Variants in VCAN observed in about 807,000 individuals in gnomAD.
VCAN encodes the protein versican core protein.
A neutral mutation model predicts 245.5 loss-of-function variants in VCAN; 44 were observed. The ratio of observed to expected loss-of-function variants is 0.18; its 90% CI spans 0.14 to 0.23. The LOEUF (loss-of-function observed/expected upper bound fraction) is 0.23. Among genes scored for constraint, VCAN ranks in the 10% least tolerant of loss-of-function variants. The pLI, the probability that VCAN is intolerant of heterozygous loss-of-function variation, is 1.00. For missense variants in VCAN, 3,793 were observed against 4,057.9 expected, an observed-to-expected ratio of 0.93 and a Z score of 1.77; for synonymous variants, 1,413 against 1,437.0, an observed-to-expected ratio of 0.98 and a Z score of 0.38.
intron 3 of VCAN, among the ~76,000 whole-genome samples, chr5:83,492,898 A>G (rs1381258163): frequency 6.6e-6 from 1 of 152,204 alleles, no homozygotes; most frequent in Non-Finnish European, 1.5e-5. Flanking sequence ...TAACATACAT[A>G]TTTTTAGTTC....
chr5:83,529,741 G>C (rs1295658169), intron 7 of VCAN, among the ~76,000 whole-genome samples: 1 of 152,046 alleles, frequency 6.6e-6, no homozygotes, highest in Admixed American at 6.6e-5. Context: ...GGGGATCTTT[G>C]AGTGATTGCC....
At chr5:83,551,489 G>A (rs1009806736) in intron 10 of VCAN, among the ~76,000 whole-genome samples, 1 of 151,798 alleles carries the variant, frequency 6.6e-6, no homozygotes, top group African/African-American at 2.4e-5. Context: ...TCCAGCCTGG[G>A]TGACAAAGCG....
rs567616956 is a variant in VCAN, at chr5:83,514,531, A to G, written c.1042+2135A>G. On this transcript the variant is annotated intron_variant, in intron 6 of 14. Transcript: ENST00000265077. ...AATGGTGCCATCTCAGCTCACTGCA[A>G]GCTTCACCTTCCAGGTTCAAGTGAT... Among the ~76,000 whole-genome samples the G allele has an allele frequency of 1.4e-3, 209 of 151,476 alleles. 3 individuals carry two copies. The highest frequency in any genetic ancestry group is 3.3e-4 in the Admixed American group (5 of 15,192).
At chr5:83,548,806 T>C (rs937007273) in intron 10 of VCAN, among the ~76,000 whole-genome samples, 1 of 152,162 alleles carries the variant, frequency 6.6e-6, no homozygotes, top group Non-Finnish European at 1.5e-5. Context: ...TTGATAAAAG[T>C]GTTCAGTGCC....
At chr5:83,565,302 C>G (rs557014424) in intron 12 of VCAN, among the ~76,000 whole-genome samples, 9 of 152,178 alleles carry the variant, frequency 5.9e-5, no homozygotes, top group African/African-American at 2.2e-4. Flanking sequence ...AGGAAATTAT[C>G]TGCTACACAG....
rs986700769 is a variant in VCAN, at chr5:83,471,901, C to T, written c.-129C>T. 3 of 393,898 alleles carry T rather than the reference C, an allele frequency of 7.6e-6. No individual in the cohort carries two copies. The highest frequency in any genetic ancestry group is 6.2e-5 in the African/African-American group (3 of 48,518). The allele number at this position is 393,898 out of a possible 1,614,324, so 24.4% of individuals were successfully genotyped here. A position where few individuals can be genotyped will look rare whatever the true frequency, so the allele number is the denominator to read the frequency against. On this transcript the variant is annotated 5_prime_UTR_variant, in exon 1 of 15. Coordinates refer to ENST00000265077, the MANE Select transcript of VCAN (RefSeq NM_004385.5). ...TCCCGCATCTTCCAGCACCGTCCCGCACCCTCCGCATCCTTCCCCGGGCCA... is the reference window on the plus strand; with the variant it reads ...TCCCGCATCTTCCAGCACCGTCCCGTACCCTCCGCATCCTTCCCCGGGCCA...
intron 7 of VCAN, 80 bp downstream of exon 7, chr5:83,522,389 A>C: frequency 3.4e-6 from 5 of 1,460,172 alleles, no homozygotes; most frequent in Non-Finnish European, 4.7e-6. Flanking sequence ...AAAAAAGTCA[A>C]CATACCAAAT....
Position 83,521,262 on chromosome 5 carries a change from T to C in VCAN, c.2956T>C (p.Leu986=). 6.2e-7 allele frequency: 1 copy of C among 1,614,096 alleles called. No homozygotes were observed. Among genetic ancestry groups the C allele is most frequent in the Non-Finnish European group, 8.5e-7 (1 of 1,179,966 alleles). The part of the protein sequence containing the change: ...SVIPKTDWGV[L]VPSVPSEDEV... ...AATTCCCAAGACAGACTGGGGAGTG[T>C]TAGTACCTTCTGTTCCATCAGAAGA... The change falls in exon 7 of 15, where the codon TTA becomes CTA. Residue 986 remains leucine, a synonymous_variant. Transcript: ENST00000265077.
intron 1 of VCAN, 40 bp from the exon 2 acceptor site, chr5:83,483,473 G>C (rs762327886): frequency 6.4e-7 from 1 of 1,556,350 alleles, no homozygotes; most frequent in South Asian, 1.1e-5. Flanking sequence ...CTTTAAACCT[G>C]AATGCTTGTG....
rs140755194 is a variant in VCAN at position 83,540,164 on chromosome 5, A to G, written c.7161A>G (p.Ser2387=). 83 of 1,614,092 alleles carry G rather than the reference A, an allele frequency of 5.1e-5. No individual in the cohort carries two copies. In the African/African-American group the frequency reaches 9.9e-4, roughly 19 times the overall value. ...AACAAGACTCTAACAAGAATTCTTC[A>G]ACAGCAGAAATTAACGAAACAACAA... The part of the protein sequence containing the change: ...ITEQDSNKNS[S]TAEINETTTS... The change falls in exon 8 of 15, where the codon TCA becomes TCG. Residue 2387 remains serine (S), a synonymous_variant. Coordinates refer to ENST00000265077, the MANE Select transcript of VCAN (RefSeq NM_004385.5).
chr5:83,544,795 T>C (rs1580052815), intron 8 of VCAN, among the ~76,000 whole-genome samples: 1 of 152,320 alleles, frequency 6.6e-6, no homozygotes, highest in South Asian at 2.1e-4. Flanking sequence ...TCCTCATAAA[T>C]TTATGTCTTC....
chr5:83,510,420 G>A (rs1035227269), intron 5 of VCAN, among the ~76,000 whole-genome samples: 4 of 152,204 alleles, frequency 2.6e-5, no homozygotes, highest in African/African-American at 9.7e-5. Context: ...GTCAGGTGAA[G>A]ATCCAAATCA....
At chr5:83,518,726 G>A (rs560767670) in intron 6 of VCAN, among the ~76,000 whole-genome samples, 1 of 152,324 alleles carries the variant, frequency 6.6e-6, no homozygotes, top group Non-Finnish European at 1.5e-5. Context: ...ATCAAGTGAA[G>A]AGTGGTATTA....
chr5:83,552,367 A>G (rs1210417979), intron 10 of VCAN, among the ~76,000 whole-genome samples: 2 of 152,200 alleles, frequency 1.3e-5, no homozygotes, highest in East Asian at 1.9e-4. Context: ...CTGAAATTCT[A>G]TAAACTGCAG....
chr5:83,482,295 A>G (rs1268933196), intron 1 of VCAN, among the ~76,000 whole-genome samples: 1 of 152,244 alleles, frequency 6.6e-6, no homozygotes, highest in Non-Finnish European at 1.5e-5. Flanking sequence ...TTCTCTTCTC[A>G]GGATGAATCT....
intron 12 of VCAN, among the ~76,000 whole-genome samples, chr5:83,557,821 C>T (rs1337794997): frequency 2.0e-5 from 3 of 152,098 alleles, no homozygotes; most frequent in Non-Finnish European, 4.4e-5. Flanking sequence ...TTAGTTGGCA[C>T]TTTCACTTGA....
Position 83,522,225 on chromosome 5 carries a change from C to G in VCAN, c.3919C>G (p.Leu1307Val), listed in dbSNP as rs774293602. The G allele has an allele frequency of 6.2e-7, 1 of 1,601,998 alleles. No homozygotes were observed. Among genetic ancestry groups the G allele is most frequent in the South Asian group, 1.1e-5 (1 of 90,996 alleles). ...CAAAGAGGCCTTTGGACCTCAGGCG[C>G]TTTCTACGCCACAGCCCCCAGCAAG... ...EDKEAFGPQALSTPQPPASTK... is the reference protein window; with the variant it reads ...EDKEAFGPQAVSTPQPPASTK... Residue 1307 changes from leucine to valine, a missense_variant, in exon 7 of 15, where the codon CTT becomes GTT. Transcript: ENST00000265077.
Position 83,538,722 on chromosome 5 carries a change from G to C in VCAN, c.5719G>C (p.Val1907Leu), listed in dbSNP as rs1269108396. 3 of 1,614,076 alleles carry C rather than the reference G, an allele frequency of 1.9e-6. No individual in the cohort carries two copies. The highest frequency in any genetic ancestry group is 3.3e-5 in the Admixed American group (2 of 60,000). The change falls in exon 8 of 15, where the codon GTG becomes CTG. Residue 1907 changes from valine (V) to leucine (L), a missense_variant. By Grantham distance (32) the Val-to-Leu change is conservative. This residue lies in a region of VCAN where 3,182 missense variants were observed against 3,250.3 expected (regional missense o/e 0.98). Coordinates refer to ENST00000265077, the MANE Select transcript of VCAN (RefSeq NM_004385.5). The stretch of plus-strand genomic sequence containing the variant: ...TATAACCCAAACATCCAGGGAAATA[G>C]TGATTTCAGAGCGATTAGGAGAACC... Reference protein sequence around the residue: ...ENITQTSREIVISERLGEPNY... With the variant: ...ENITQTSREILISERLGEPNY...
At chr5:83,578,318 C>T (rs1263301373) in intron 13 of VCAN, among the ~76,000 whole-genome samples, 1 of 151,882 alleles carries the variant, frequency 6.6e-6, no homozygotes, top group Admixed American at 6.6e-5. Context: ...AAAACAGACA[C>T]TGGGGCCTAC....
Sources: allele counts gnomAD v4.1 joint callset (sites outside exome capture counted in the v4.1 genomes callset), GRCh38; gene constraint gnomAD v4.1.1; regional missense constraint gnomAD v4.1.1; transcripts MANE v1.5; gene names NCBI Gene and HGNC (gene_info 2026-07-23, HGNC 2026-07-21).